Variants in LRRTM4 observed in about 807,000 individuals in gnomAD.
LRRTM4 encodes the protein leucine rich repeat transmembrane neuronal 4.
In LRRTM4, 25 loss-of-function variants were observed where a neutral mutation model predicts 47.6. The observed-to-expected ratio is 0.53, with a 90% CI of 0.38 to 0.73. The LOEUF is 0.73. Among genes scored for constraint, LRRTM4 ranks in the 30% least tolerant of loss-of-function variants. LRRTM4 has a pLI of 0.00. For missense variants in LRRTM4, 638 were observed against 713.4 expected (o/e 0.89, Z 1.20); for synonymous variants, 311 against 269.5 (o/e 1.15, Z -1.51).
chr2:77,516,339 A>G (rs915416368), intron 3 of LRRTM4, among the ~76,000 whole-genome samples: 1 of 151,782 alleles, frequency 6.6e-6, no homozygotes, highest in African/African-American at 2.4e-5. Context: ...TGTCATGGTA[A>G]TGCCTAGGGT....
At chr2:77,086,391 T>A (rs1680713709) in intron 3 of LRRTM4, among the ~76,000 whole-genome samples, 1 of 148,792 alleles carries the variant, frequency 6.7e-6, no homozygotes, top group Middle Eastern at 3.5e-3. Context: ...GCATATTTTT[T>A]ACTTTTTAAA....
chr2:77,506,545 AT>A (rs1311141092), intron 3 of LRRTM4, among the ~76,000 whole-genome samples: 2 of 151,906 alleles, frequency 1.3e-5, no homozygotes, highest in Admixed American at 6.6e-5. Flanking sequence ...TGCTAAAAAA[AT>A]AACCTGTCAA....
At chr2:77,171,712 T>A (rs1462493493) in intron 3 of LRRTM4, among the ~76,000 whole-genome samples, 2 of 152,028 alleles carry the variant, frequency 1.3e-5, no homozygotes, top group Non-Finnish European at 2.9e-5. Context: ...ATTTATTACC[T>A]TTAAATGAAG....
At position 77,397,238 on chromosome 2, in the gene LRRTM4, T is replaced by C. The variant is rs142252581; in HGVS notation, c.1551+121080A>G. Among the ~76,000 whole-genome samples, 886 of 152,028 alleles carry C rather than the reference T, an allele frequency of 5.8e-3. 9 individuals are homozygous for C. Among genetic ancestry groups the C allele is most frequent in the African/African-American group, 0.02 (846 of 41,538 alleles). On this transcript the variant is annotated intron_variant, in intron 3 of 3. Transcript: ENST00000409884. ...ATGACTCCCATGTTAGAATAACTTATAAAATGGAGACTGGAACTCAGGTTT... is the reference window on the plus strand; with the variant it reads ...ATGACTCCCATGTTAGAATAACTTACAAAATGGAGACTGGAACTCAGGTTT...
intron 3 of LRRTM4, among the ~76,000 whole-genome samples, chr2:76,859,203 G>T (rs1370560195): frequency 6.6e-6 from 1 of 152,136 alleles, no homozygotes; most frequent in Non-Finnish European, 1.5e-5. Flanking sequence ...CTGGTTGAGT[G>T]CAAGGGTGTT....
intron 3 of LRRTM4, among the ~76,000 whole-genome samples, chr2:76,763,206 T>C (rs1184466221): frequency 6.6e-6 from 1 of 152,218 alleles, no homozygotes; most frequent in African/African-American, 2.4e-5. Context: ...ATACCCTTTG[T>C]CTAGTTAGTG....
At chr2:77,432,391 G>A (rs915994722) in intron 3 of LRRTM4, among the ~76,000 whole-genome samples, 7 of 152,198 alleles carry the variant, frequency 4.6e-5, no homozygotes, top group African/African-American at 9.7e-5. Flanking sequence ...ACATTCAGAC[G>A]AAAGCAGTAG....
rs78331251 is a variant in LRRTM4 at position 76,840,559 on chromosome 2, T to C, written c.1552-91643A>G. On this transcript the variant is annotated intron_variant, in intron 3 of 3. Transcript: ENST00000409884. ...AAGTTTAGTCTTCACATGCAAAAGATAGAATCATTAAAGGAACAAACGAAG... is the reference window on the plus strand; with the variant it reads ...AAGTTTAGTCTTCACATGCAAAAGACAGAATCATTAAAGGAACAAACGAAG... 6.0e-4 allele frequency among the ~76,000 whole-genome samples: 92 copies of C among 152,162 alleles called. No individual in the cohort carries two copies. The East Asian group carries it at 0.014, about 23-fold the overall frequency.
chr2:77,062,559 C>A (rs1679820776), intron 3 of LRRTM4, among the ~76,000 whole-genome samples: 1 of 152,126 alleles, frequency 6.6e-6, no homozygotes, highest in African/African-American at 2.4e-5. Context: ...TGGAAAATGA[C>A]CTCGTACTTC....
chr2:77,034,932 C>G (rs1678783820), intron 3 of LRRTM4, among the ~76,000 whole-genome samples: 1 of 151,712 alleles, frequency 6.6e-6, no homozygotes, highest in South Asian at 2.1e-4. Context: ...ATATAAAACC[C>G]AGGATAAAGG....
intron 3 of LRRTM4, among the ~76,000 whole-genome samples, chr2:77,515,920 CTG>C (rs1679190171): frequency 6.6e-6 from 1 of 151,820 alleles, no homozygotes; most frequent in East Asian, 1.9e-4. Context: ...CTACCTATAA[CTG>C]TAATACAGCA....
chr2:76,830,526 G>GTGTGTGTGTGTGCGTGTGTGTGTGTT (rs1671319238), intron 3 of LRRTM4, among the ~76,000 whole-genome samples: 1 of 149,906 alleles, frequency 6.7e-6, no homozygotes, highest in African/African-American at 2.5e-5. Flanking sequence ...GTGTGTGTGT[G>GTGTGTGTGTGTGCGTGTGTGTGTGTT]TGTGTGTGTG....
In LRRTM4 at chr2:76,974,026, G is replaced by A. The variant is rs150900327; in HGVS notation, c.1552-225110C>T. 5.9e-5 allele frequency among the ~76,000 whole-genome samples: 9 copies of A among 151,386 alleles called. 1 individual carries two copies. The East Asian group carries it at 1.8e-3, about 30-fold the overall frequency. ...GTGCTTTTTGCCCCACTAGGAACATGGCACTTAAGAGGATAATTTCCAGTT... is the reference window on the plus strand; with the variant it reads ...GTGCTTTTTGCCCCACTAGGAACATAGCACTTAAGAGGATAATTTCCAGTT... On this transcript the variant is annotated intron_variant, in intron 3 of 3. Coordinates refer to ENST00000409884, the MANE Select transcript of LRRTM4 (RefSeq NM_001134745.3).
intron 3 of LRRTM4, among the ~76,000 whole-genome samples, chr2:77,429,673 G>A (rs1675279468): frequency 6.6e-6 from 1 of 152,162 alleles, no homozygotes; most frequent in African/African-American, 2.4e-5. Context: ...CATAGAAGTA[G>A]AGAGTGGAAT....
chr2:77,191,705 AT>A (rs1427348511), intron 3 of LRRTM4, among the ~76,000 whole-genome samples: 1 of 152,080 alleles, frequency 6.6e-6, no homozygotes, highest in African/African-American at 2.4e-5. Flanking sequence ...GAAGTAAAAA[AT>A]ATGAATAAAT....
chr2:77,129,358 T>A (rs1033653712), intron 3 of LRRTM4, among the ~76,000 whole-genome samples: 1 of 152,228 alleles, frequency 6.6e-6, no homozygotes, highest in African/African-American at 2.4e-5. Flanking sequence ...GTTACAGTTA[T>A]GATACCATCT....
intron 3 of LRRTM4, among the ~76,000 whole-genome samples, chr2:77,490,690 A>C (rs1678117870): frequency 6.6e-6 from 1 of 152,158 alleles, no homozygotes; most frequent in African/African-American, 2.4e-5. Flanking sequence ...CCACCTGCTA[A>C]AACTTTGAAC....
chr2:77,178,280 T>G (rs1558620488), intron 3 of LRRTM4, among the ~76,000 whole-genome samples: 1 of 152,188 alleles, frequency 6.6e-6, no homozygotes, highest in Non-Finnish European at 1.5e-5. Flanking sequence ...GAAATAATTC[T>G]GGGTATACAT....
intron 3 of LRRTM4, among the ~76,000 whole-genome samples, chr2:76,975,965 G>T (rs1676405543): frequency 6.6e-6 from 1 of 151,748 alleles, no homozygotes. Flanking sequence ...GGCCAGTCAT[G>T]CTCTGGACTT....
Sources: gnomAD v4.1 joint callset for allele counts (sites outside exome capture counted in the v4.1 genomes callset) on GRCh38, gnomAD v4.1.1 for gene constraint, MANE v1.5 for transcripts, NCBI Gene and HGNC (gene_info 2026-07-23, HGNC 2026-07-21) for gene names.